Variants in ATP10B observed in about 807,000 individuals in gnomAD.
ATP10B encodes the protein ATPase phospholipid transporting 10B (putative).
In ATP10B, 122 loss-of-function variants were observed where a neutral mutation model predicts 141.2. That is an observed-to-expected ratio of 0.86 (90% CI 0.75 to 1.00). The LOEUF is 1.00. ATP10B is among the 50% of genes least tolerant of loss of function. The pLI, the probability that ATP10B is intolerant of heterozygous loss-of-function variation, is 0.00. For missense variants in ATP10B, 1,876 were observed against 1,825.3 expected (o/e 1.03, Z -0.51); for synonymous variants, 685 against 692.0 (o/e 0.99, Z 0.16).
intron 2 of ATP10B, among the ~76,000 whole-genome samples, chr5:160,744,899 T>C (rs552830868): frequency 3.3e-4 from 51 of 152,312 alleles, no homozygotes; most frequent in African/African-American, 1.2e-3. Flanking sequence ...CTGTTTCTCA[T>C]GTGGGCACCC....
rs780069608 is a variant in ATP10B at position 160,565,936 on chromosome 5, T to C, written c.3939-36A>G. 4 of 1,536,510 alleles carry C rather than the reference T, an allele frequency of 2.6e-6. No individual in the cohort carries two copies. The Admixed American group carries it at 6.1e-5, about 23-fold the overall frequency. On this transcript the variant is annotated intron_variant, in intron 25 of 25. Transcript: ENST00000327245. ...ACAACAGAATAAAGATATTTCTGAT[T>C]TCCACTGACTTCATAAACTTCAGCA...
intron 18 of ATP10B, chr5:160,612,436 G>A (rs759575696): frequency 5.0e-5 from 11 of 220,160 alleles, no homozygotes; most frequent in Non-Finnish European, 9.9e-5. Context: ...GTAGTCTTCA[G>A]TTTCCTTATC....
At chr5:160,657,511 G>A (rs1054949487) in intron 7 of ATP10B, among the ~76,000 whole-genome samples, 4 of 152,158 alleles carry the variant, frequency 2.6e-5, no homozygotes, top group African/African-American at 9.7e-5. Flanking sequence ...AGATTGGGCT[G>A]GAGGGCTCTG....
rs551229465 is a variant in ATP10B at position 160,715,903 on chromosome 5, G to C, written c.-205+1006C>G. Among the ~76,000 whole-genome samples, 16 of 152,034 alleles carry C rather than the reference G, an allele frequency of 1.1e-4. 1 individual carries two copies. The highest frequency in any genetic ancestry group is 1.9e-4 in the African/African-American group (8 of 41,466). On this transcript the variant is annotated intron_variant, in intron 3 of 25. Transcript: ENST00000327245. ...TTTTTGTAGTTTTAGTTGAGATGGGGTTTCACCATCTTGGCCAGGCTGGTC... is the reference window on the plus strand; with the variant it reads ...TTTTTGTAGTTTTAGTTGAGATGGGCTTTCACCATCTTGGCCAGGCTGGTC...
rs1763845160 is a variant in ATP10B, at chr5:160,687,729, T to C, written c.275+71A>G. On this transcript the variant is annotated intron_variant, in intron 5 of 25. Transcript: ENST00000327245. Reference sequence around the variant, plus strand: ...GCAGTGAGCCGAGATTGCACGACTATACTCCAGCCTGGGGAACAGAATGAG... The same window carrying C: ...GCAGTGAGCCGAGATTGCACGACTACACTCCAGCCTGGGGAACAGAATGAG... 9 of 1,525,380 alleles carry C rather than the reference T, an allele frequency of 5.9e-6. No individual in the cohort carries two copies. In the South Asian group the frequency reaches 8.8e-5, roughly 15 times the overall value. 94.5% of individuals were successfully genotyped at this position (1,525,380 alleles called of 1,614,324 possible).
intron 24 of ATP10B, among the ~76,000 whole-genome samples, chr5:160,589,371 T>C (rs1756123944): frequency 1.3e-5 from 2 of 152,198 alleles, no homozygotes; most frequent in Admixed American, 1.3e-4. Flanking sequence ...ATTGTTTTAA[T>C]ATATGTTAGT....
At chr5:160,653,088 A>G (rs1366794917) in intron 7 of ATP10B, among the ~76,000 whole-genome samples, 5 of 124,836 alleles carry the variant, frequency 4.0e-5, no homozygotes, top group Admixed American at 1.0e-4. Flanking sequence ...TGTATATATT[A>G]TATATACACG....
intron 1 of ATP10B, among the ~76,000 whole-genome samples, chr5:160,851,062 T>C (rs944907229): frequency 6.6e-6 from 1 of 152,202 alleles, no homozygotes; most frequent in Admixed American, 6.5e-5. Context: ...GAGAAGAAAC[T>C]GTGGAAGAAG....
chr5:160,799,503 G>A (rs1772214211), intron 1 of ATP10B, among the ~76,000 whole-genome samples: 1 of 152,168 alleles, frequency 6.6e-6, no homozygotes, highest in Non-Finnish European at 1.5e-5. Context: ...CAAAGTCACT[G>A]TTAATTAATG....
chr5:160,796,071 C>T (rs1258794432), intron 1 of ATP10B, among the ~76,000 whole-genome samples: 1 of 152,178 alleles, frequency 6.6e-6, no homozygotes, highest in Non-Finnish European at 1.5e-5. Context: ...GACCTCACCA[C>T]ACCAACTCTA....
At chr5:160,607,404 C>T (rs562691452) in intron 18 of ATP10B, among the ~76,000 whole-genome samples, 10 of 152,258 alleles carry the variant, frequency 6.6e-5, no homozygotes, top group Middle Eastern at 3.4e-3. Context: ...AATGACAATA[C>T]GTCATGCTGG....
chr5:160,724,139 G>A (rs1038211762), intron 2 of ATP10B, among the ~76,000 whole-genome samples: 1 of 152,102 alleles, frequency 6.6e-6, no homozygotes, highest in African/African-American at 2.4e-5. Flanking sequence ...TGGAGGATGG[G>A]AGGAGGGAGA....
Position 160,644,128 on chromosome 5 carries a change from A to G in ATP10B, c.868+10T>C. On this transcript the variant is annotated intron_variant, in intron 9 of 25. Transcript: ENST00000327245. ...AAAATTCAGACAAAAGAAACTACCC[A>G]GACAATGACCTGCATAGATGACAAT... The G allele has an allele frequency of 1.9e-6, 3 of 1,611,434 alleles. No individual in the cohort carries two copies. The highest frequency in any genetic ancestry group is 2.5e-6 in the Non-Finnish European group (3 of 1,177,570).
In ATP10B at chr5:160,653,743, T is replaced by G. The variant is rs868602226; in HGVS notation, c.676-4487A>C. Among the ~76,000 whole-genome samples, 319 of 109,034 alleles carry G rather than the reference T, an allele frequency of 2.9e-3. 9 individuals carry two copies. Among genetic ancestry groups the G allele is most frequent in the African/African-American group, 0.01 (298 of 28,718 alleles). 71.5% of individuals were successfully genotyped at this position (109,034 alleles called of 152,430 possible). Reference sequence around the variant, plus strand: ...TACATATATATTATATATACATATATTACATATACATAAATATATATAATA... The same window carrying G: ...TACATATATATTATATATACATATAGTACATATACATAAATATATATAATA... On this transcript the variant is annotated intron_variant, in intron 7 of 25. Coordinates refer to ENST00000327245, the MANE Select transcript of ATP10B (RefSeq NM_025153.3).
At position 160,622,497 on chromosome 5, in the gene ATP10B, G is replaced by A; in HGVS notation, c.1709C>T (p.Ala570Val). ...WLETLSDSRPAKASLSTTSSI... is the reference protein window; with the variant it reads ...WLETLSDSRPVKASLSTTSSI... ...GGAGGTGGTGGAGAGGGAAGCCTTG[G>A]CAGGTCTGCTGTCTGACAAGGTCTC... Residue 570 changes from alanine to valine, a missense_variant, in exon 14 of 26, where the codon GCC (alanine) becomes GTC (valine). By Grantham distance (64) the Ala-to-Val change is moderately conservative (BLOSUM62 0). Transcript: ENST00000327245. 1.9e-6 allele frequency: 3 copies of A among 1,614,102 alleles called. No individual in the cohort carries two copies. Among genetic ancestry groups the A allele is most frequent in the Non-Finnish European group, 2.5e-6 (3 of 1,180,000 alleles).
At chr5:160,854,192 T>A (rs915002294), upstream of ATP10B, among the ~76,000 whole-genome samples, 1 of 152,126 alleles carries the variant, frequency 6.6e-6, no homozygotes, top group African/African-American at 2.4e-5. Context: ...TTTTATTTTT[T>A]ATTATACTTT....
intron 2 of ATP10B, among the ~76,000 whole-genome samples, chr5:160,736,624 G>A (rs897809910): frequency 2.0e-5 from 3 of 152,176 alleles, no homozygotes; most frequent in Admixed American, 1.3e-4. Flanking sequence ...GCCAGGCGTG[G>A]TGGCGTACGC....
intron 24 of ATP10B, among the ~76,000 whole-genome samples, chr5:160,579,825 T>G (rs1476664865): frequency 1.3e-5 from 2 of 152,226 alleles, no homozygotes; most frequent in Non-Finnish European, 2.9e-5. Flanking sequence ...TTTGTTTGTG[T>G]CCTCTCTTAT....
chr5:160,786,787 G>A (rs956837789), intron 1 of ATP10B, among the ~76,000 whole-genome samples: 10 of 151,976 alleles, frequency 6.6e-5, no homozygotes, highest in African/African-American at 1.9e-4. Context: ...AAAAGGCCAC[G>A]GTAGGTGCTT....
Sources: allele counts gnomAD v4.1 joint callset (sites outside exome capture counted in the v4.1 genomes callset), GRCh38; gene constraint gnomAD v4.1.1; transcripts MANE v1.5; gene names NCBI Gene and HGNC (gene_info 2026-07-23, HGNC 2026-07-21).